The following UBE3B variants were observed in gnomAD, a reference collection of about 807,000 sequenced individuals.
The protein encoded by UBE3B is ubiquitin protein ligase E3B.
Under a neutral mutation model 132.3 loss-of-function variants are expected in UBE3B, and 80 were observed. That is an observed-to-expected ratio of 0.60 (90% CI 0.50 to 0.73). The LOEUF (loss-of-function observed/expected upper bound fraction) is 0.73. UBE3B is among the 30% of genes least tolerant of loss of function. The pLI is 0.00. For missense variants in UBE3B, 1,196 were observed against 1,362.5 expected (o/e 0.88, Z 1.92); for synonymous variants, 487 against 520.4 (o/e 0.94, Z 0.87).
intron 15 of UBE3B, 105 bp downstream of exon 15, chr12:109,507,840 G>T (rs1405092396): frequency 7.6e-7 from 1 of 1,319,384 alleles, no homozygotes; most frequent in Non-Finnish European, 1.0e-6. Context: ...GCAAACATTT[G>T]GACCTGTGTG....
chr12:109,495,904 CA>C (rs1878141767), intron 9 of UBE3B, among the ~76,000 whole-genome samples: 1 of 152,238 alleles, frequency 6.6e-6, no homozygotes, highest in African/African-American at 2.4e-5. Flanking sequence ...GCATCACGGC[CA>C]TCACGAACAT....
At chr12:109,532,178 A>T (rs1883001851) in intron 26 of UBE3B, among the ~76,000 whole-genome samples, 1 of 152,124 alleles carries the variant, frequency 6.6e-6, no homozygotes, top group South Asian at 2.1e-4. Flanking sequence ...CTAAATTGGG[A>T]TGCACAGATA....
intron 18 of UBE3B, among the ~76,000 whole-genome samples, chr12:109,512,015 T>C (rs1880429391): frequency 6.6e-6 from 1 of 151,892 alleles, no homozygotes; most frequent in Non-Finnish European, 1.5e-5. Context: ...CTTGGGTACT[T>C]GGGGGGTGTT....
chr12:109,488,504 A>G, intron 6 of UBE3B, 68 bp from the exon 7 acceptor site: 1 of 1,418,674 alleles, frequency 7.0e-7, no homozygotes, highest in Non-Finnish European at 1.0e-6. Flanking sequence ...AGCAGTTGTA[A>G]AGTGAACACT....
intron 5 of UBE3B, 55 bp downstream of exon 5, chr12:109,486,126 G>A (rs1261205639): frequency 6.5e-6 from 10 of 1,531,100 alleles, no homozygotes; most frequent in Non-Finnish European, 1.8e-6. Context: ...CCAACCTACT[G>A]GGCTCTGAAA....
chr12:109,514,525 C>G (rs1191593929), intron 18 of UBE3B, among the ~76,000 whole-genome samples: 1 of 152,188 alleles, frequency 6.6e-6, no homozygotes, highest in East Asian at 1.9e-4. Flanking sequence ...TATCTCCACC[C>G]CATACTGGAT....
At chr12:109,529,703 G>A (rs1028146126) in intron 24 of UBE3B, among the ~76,000 whole-genome samples, 187 bp from the exon 25 acceptor site, 2 of 152,186 alleles carry the variant, frequency 1.3e-5, no homozygotes, top group Non-Finnish European at 2.9e-5. Context: ...ACACAGTGGC[G>A]TATGGTGTGC....
In UBE3B at chr12:109,486,023, G is replaced by T. The variant is rs1244553082; in HGVS notation, c.294G>T (p.Lys98Asn). ...GTGTCTCTTTGCAGAGATTTGAGAA[G>T]TTGTGTCGCAGCATCCTGAGCAGCA... ...RIKEDNERFE[K>N]LCRSILSSMD... is the part of the protein sequence containing the mutation. Residue 98 changes from lysine (K) to asparagine (N), a missense_variant, in exon 5 of 28, where the codon AAG becomes AAT. By Grantham distance (94) the Lys-to-Asn change is moderately conservative. Transcript: ENST00000342494. 7 of 1,554,100 alleles carry T rather than the reference G, an allele frequency of 4.5e-6. No homozygotes were observed. Among genetic ancestry groups the T allele is most frequent in the Non-Finnish European group, 2.6e-6 (3 of 1,148,092 alleles).
chr12:109,530,433 A>T, intron 25 of UBE3B, 114 bp from the exon 26 acceptor site: 1 of 798,578 alleles, frequency 1.3e-6, no homozygotes. Flanking sequence ...AGAAATTAGT[A>T]GTGTTCCCCA....
Position 109,521,006 on chromosome 12 carries a change from C to T in UBE3B, c.2077-142C>T, listed in dbSNP as rs555715714. On this transcript the variant is annotated intron_variant, in intron 19 of 27. Coordinates refer to ENST00000342494, the MANE Select transcript of UBE3B (RefSeq NM_130466.4). This position sits in a 1 kb window ranked among gnomAD's most constrained non-coding sequence, Gnocchi z 4.2. Reference sequence around the variant, plus strand: ...GCACTCATTCAAAAGCAGGTGAGAACGGCTCCTGTCATGCATCCACGTTTC... The same window carrying T: ...GCACTCATTCAAAAGCAGGTGAGAATGGCTCCTGTCATGCATCCACGTTTC... The T allele has an allele frequency of 6.0e-5, 52 of 869,512 alleles. No homozygotes were observed. The highest frequency in any genetic ancestry group is 1.5e-4 in the African/African-American group (9 of 59,148). The allele number at this position is 869,512 out of a possible 1,614,324, so 53.9% of individuals were successfully genotyped here.
At chr12:109,526,448 C>G in intron 24 of UBE3B, 32 bp downstream of exon 24, 1 of 1,603,740 alleles carries the variant, frequency 6.2e-7, no homozygotes, top group South Asian at 1.1e-5. Flanking sequence ...TTAAGGTCAC[C>G]ACTTGAAAAG....
chr12:109,526,595 G>A (rs189430695), intron 24 of UBE3B, among the ~76,000 whole-genome samples, 179 bp downstream of exon 24: 1 of 152,286 alleles, frequency 6.6e-6, no homozygotes, highest in African/African-American at 2.4e-5. Flanking sequence ...ATTTGCGGCC[G>A]GGCACAGTGG....
Position 109,521,180 on chromosome 12 carries a change from G to A in UBE3B, c.2109G>A (p.Gln703=), listed in dbSNP as rs1163465160. ...ACGAGCAGCTTAGGCAGCTCTCCCA[G>A]CACGCCATGAAGGGGGTCATCCGTG... The part of the protein sequence containing the change: ...DGYEQLRQLS[Q]HAMKGVIRVK... The change falls in exon 20 of 28, where the codon CAG becomes CAA. Residue 703 remains glutamine (Q), a synonymous_variant. Transcript: ENST00000342494. This position sits in a 1 kb window ranked among gnomAD's most constrained non-coding sequence, Gnocchi z 4.2. The A allele has an allele frequency of 6.2e-7, 1 of 1,614,218 alleles. No individual in the cohort carries two copies.
At chr12:109,514,662 A>T (rs1592941604) in intron 18 of UBE3B, among the ~76,000 whole-genome samples, 1 of 152,032 alleles carries the variant, frequency 6.6e-6, no homozygotes, top group Non-Finnish European at 1.5e-5. Context: ...CATGACAAAC[A>T]CCTGTTCTCA....
Position 109,501,536 on chromosome 12 carries a change from T to C in UBE3B, c.1282+2T>C. ...CTCAGAATGTGCTCCCAGTGAAGAG[T>C]GAGTGACGGGAGCAGGCCCAACCCT... is the stretch of plus-strand genomic sequence containing the variant. On this transcript the variant is annotated splice_donor_variant, in intron 13 of 27. Transcript: ENST00000342494. LOFTEE classifies it high-confidence loss of function. The C allele has an allele frequency of 6.2e-7, 1 of 1,612,782 alleles. No individual in the cohort carries two copies. The highest frequency in any genetic ancestry group is 8.5e-7 in the Non-Finnish European group (1 of 1,179,436).
chr12:109,503,291 T>C lies in UBE3B; in HGVS notation c.1450+101T>C, dbSNP rs1879226712. On this transcript the variant is annotated intron_variant, in intron 14 of 27. Coordinates refer to ENST00000342494, the MANE Select transcript of UBE3B (RefSeq NM_130466.4). The stretch of plus-strand genomic sequence containing the variant: ...TTTCTGGCTTCTTTGACTCTGAAAA[T>C]AGATTCTGAAGGAGGGCATTTTTGA... The C allele has an allele frequency of 2.7e-6, 4 of 1,483,548 alleles. No homozygotes were observed. In the Admixed American group the frequency reaches 6.6e-5, roughly 25 times the overall value. 91.9% of individuals were successfully genotyped at this position (1,483,548 alleles called of 1,614,324 possible).
chr12:109,510,224 A>G (rs1231417656), intron 16 of UBE3B, 120 bp from the exon 17 acceptor site: 2 of 797,764 alleles, frequency 2.5e-6, no homozygotes, highest in African/African-American at 1.7e-5. Context: ...TCGGTTCCAC[A>G]TATAATTCAG....
intron 12 of UBE3B, among the ~76,000 whole-genome samples, chr12:109,500,230 G>A (rs1878788202): frequency 6.6e-6 from 1 of 152,192 alleles, no homozygotes; most frequent in South Asian, 2.1e-4. Flanking sequence ...TTTTCAAGAG[G>A]TGGAATATAA....
Position 109,521,035 on chromosome 12 carries a change from A to T in UBE3B, c.2077-113A>T. 1 of 1,257,702 alleles carries T rather than the reference A, an allele frequency of 8.0e-7. No homozygotes were observed. The highest frequency in any genetic ancestry group is 2.3e-5 in the Admixed American group (1 of 43,194). The allele number at this position is 1,257,702 out of a possible 1,614,324, so 77.9% of individuals were successfully genotyped here. ...TCCTGTCATGCATCCACGTTTCATA[A>T]TTTGCACATTTGGTAATGATGCTGG... On this transcript the variant is annotated intron_variant, in intron 19 of 27. Transcript: ENST00000342494. This position sits in a 1 kb window ranked among gnomAD's most constrained non-coding sequence, Gnocchi z 4.2.
Sources: gnomAD v4.1 joint callset for allele counts (sites outside exome capture counted in the v4.1 genomes callset) on GRCh38, gnomAD v4.1.1 for gene constraint, Gnocchi (gnomAD v3.1) non-coding constraint, MANE v1.5 for transcripts, NCBI Gene and HGNC (gene_info 2026-07-23, HGNC 2026-07-21) for gene names.